The following TRIP12 variants were observed in gnomAD, a reference collection of about 807,000 sequenced individuals.
TRIP12 encodes the protein E3 ubiquitin-protein ligase TRIP12.
TRIP12 carries 25 observed loss-of-function variants against 244.2 expected under a neutral mutation model. That is an observed-to-expected ratio of 0.10 (90% confidence interval 0.07 to 0.14). TRIP12 has a LOEUF of 0.14. Ranked by LOEUF, TRIP12 falls within the 10% of genes least tolerant of loss-of-function variation. The probability of loss-of-function intolerance (pLI) is 1.00; values close to 1 mark genes in which losing one functional copy is unlikely to be tolerated. For missense variants in TRIP12, 1,677 were observed against 2,486.4 expected (o/e 0.67, Z 6.92); for synonymous variants, 905 against 873.1 (o/e 1.04, Z -0.64).
intron 19 of TRIP12, 34 bp from the exon 20 acceptor site, chr2:229,803,723 G>T: frequency 6.8e-7 from 1 of 1,472,940 alleles, no homozygotes; most frequent in Non-Finnish European, 9.3e-7. Flanking sequence ...ATAAAACTCT[G>T]CCTGAATTTG....
intron 1 of TRIP12, among the ~76,000 whole-genome samples, chr2:229,886,794 A>G (rs1204924212): frequency 6.6e-6 from 1 of 152,210 alleles, no homozygotes; most frequent in East Asian, 1.9e-4. Flanking sequence ...TTGTATTTTT[A>G]TAACACTAGA....
At chr2:229,898,588 T>A (rs1397146475) in intron 1 of TRIP12, among the ~76,000 whole-genome samples, 1 of 152,206 alleles carries the variant, frequency 6.6e-6, no homozygotes, top group Non-Finnish European at 1.5e-5. Context: ...CAAAACTTTC[T>A]ATTTGTATTA....
intron 1 of TRIP12, among the ~76,000 whole-genome samples, chr2:229,911,515 T>TC (rs1472333454): frequency 2.0e-5 from 3 of 152,232 alleles, no homozygotes; most frequent in Non-Finnish European, 4.4e-5. Flanking sequence ...GAGTATGTTC[T>TC]CCTGTTCTAT....
At chr2:229,888,601 C>A (rs779519909) in intron 1 of TRIP12, among the ~76,000 whole-genome samples, 2 of 151,920 alleles carry the variant, frequency 1.3e-5, no homozygotes, top group African/African-American at 2.4e-5. Flanking sequence ...TAGAAAATGG[C>A]GAGAGCAGCC....
rs2035593783 is a variant in TRIP12 at position 229,774,515 on chromosome 2, T to C, written c.5530-254A>G. ...GATGCTGCTGCTCAGTTTAAGCATA[T>C]GCAAATCAAATTTCACAGTAAGTGC... On this transcript the variant is annotated intron_variant, in intron 37 of 41. Transcript: ENST00000675903. Among the ~76,000 whole-genome samples the C allele has an allele frequency of 5.9e-5, 9 of 152,194 alleles. No individual in the cohort carries two copies. The South Asian group carries it at 1.4e-3, about 25-fold the overall frequency.
intron 1 of TRIP12, among the ~76,000 whole-genome samples, chr2:229,896,837 CTT>C (rs1330236705): frequency 6.6e-6 from 1 of 152,106 alleles, no homozygotes; most frequent in Non-Finnish European, 1.5e-5. Context: ...CAATAAGACT[CTT>C]GTTTTTAAAA....
chr2:229,814,176 G>C, intron 12 of TRIP12, 57 bp downstream of exon 12: 1 of 1,584,004 alleles, frequency 6.3e-7, no homozygotes, highest in Non-Finnish European at 8.7e-7. Flanking sequence ...GTACAAATGT[G>C]GATTTTAAAA....
intron 1 of TRIP12, among the ~76,000 whole-genome samples, chr2:229,882,905 A>G (rs1576599042): frequency 6.6e-6 from 1 of 152,262 alleles, no homozygotes; most frequent in Admixed American, 6.5e-5. Context: ...TTCTTGAGAT[A>G]TAAGAGGAAG....
intron 2 of TRIP12, among the ~76,000 whole-genome samples, chr2:229,864,047 A>AGAGAGAGAGAGAGTGTGAGT: frequency 6.3e-5 from 5 of 79,292 alleles, no homozygotes; most frequent in Non-Finnish European, 1.0e-4. Context: ...AGAGAGAGAG[A>AGAGAGAGAGAGAGTGTGAGT]GTGTGTGTGT....
chr2:229,919,893 C>T (rs2076179601), intron 1 of TRIP12, among the ~76,000 whole-genome samples: 1 of 152,208 alleles, frequency 6.6e-6, no homozygotes, highest in Non-Finnish European at 1.5e-5. Flanking sequence ...TTCAACATTT[C>T]TGGGGCTGAA....
At chr2:229,769,871 A>G (rs921695406) in intron 39 of TRIP12, among the ~76,000 whole-genome samples, 6 of 152,330 alleles carry the variant, frequency 3.9e-5, no homozygotes, top group African/African-American at 1.2e-4. Context: ...ATATTATAGA[A>G]TGAATATTAG....
chr2:229,815,631 T>C (rs1265651628), intron 9 of TRIP12, among the ~76,000 whole-genome samples: 1 of 151,908 alleles, frequency 6.6e-6, no homozygotes, highest in East Asian at 1.9e-4. Flanking sequence ...TATTAATATA[T>C]CCCTGAGGAC....
intron 37 of TRIP12, among the ~76,000 whole-genome samples, chr2:229,776,324 T>A (rs907665038): frequency 2.4e-4 from 36 of 152,198 alleles, no homozygotes; most frequent in Non-Finnish European, 2.9e-5. Flanking sequence ...AACAACACTG[T>A]AATAGTTTAA....
At chr2:229,779,178 T>C (rs1213115527) in intron 34 of TRIP12, among the ~76,000 whole-genome samples, 188 bp from the exon 35 acceptor site, 1 of 152,258 alleles carries the variant, frequency 6.6e-6, no homozygotes, top group Non-Finnish European at 1.5e-5. Context: ...AGCAACTCTT[T>C]ATTATTTCCT....
intron 34 of TRIP12, among the ~76,000 whole-genome samples, chr2:229,784,947 C>T (rs1409753432): frequency 1.3e-5 from 2 of 152,162 alleles, no homozygotes; most frequent in East Asian, 3.8e-4. Context: ...GAAGTAAAAA[C>T]ATGTGTCTCC....
chr2:229,851,526 G>A (rs571736141), intron 4 of TRIP12, among the ~76,000 whole-genome samples: 7 of 152,122 alleles, frequency 4.6e-5, no homozygotes, highest in African/African-American at 9.7e-5. Flanking sequence ...CAGGCTGCCC[G>A]AGCCAGCAGT....
chr2:229,774,829 TA>T (rs759853277), intron 37 of TRIP12, among the ~76,000 whole-genome samples: 4,371 of 132,802 alleles, frequency 0.033, 161 homozygotes, highest in African/African-American at 0.1. Context: ...CACTGTGATC[TA>T]AAAAAAAAAA....
intron 2 of TRIP12, among the ~76,000 whole-genome samples, chr2:229,870,244 T>C (rs2062306149): frequency 6.6e-6 from 1 of 152,102 alleles, no homozygotes; most frequent in Non-Finnish European, 1.5e-5. Context: ...ATGAAAATGG[T>C]ATAATCTTTT....
At chr2:229,805,590 T>C in intron 18 of TRIP12, 140 bp downstream of exon 18, 1 of 792,840 alleles carries the variant, frequency 1.3e-6, no homozygotes, top group Non-Finnish European at 1.8e-6. Context: ...TGGACATGAT[T>C]TAAAAAATCG....
Sources: gnomAD v4.1 joint callset for allele counts (sites outside exome capture counted in the v4.1 genomes callset) on GRCh38, gnomAD v4.1.1 for gene constraint, MANE v1.5 for transcripts, NCBI Gene and HGNC (gene_info 2026-07-23, HGNC 2026-07-21) for gene names.